MAP4K3: variants seen among roughly 807,000 people sequenced by gnomAD.
The protein encoded by MAP4K3 is mitogen-activated protein kinase kinase kinase kinase 3.
A neutral mutation model predicts 143.5 loss-of-function variants in MAP4K3; 94 were observed. The observed-to-expected ratio is 0.65, with a 90% CI of 0.55 to 0.78. The LOEUF is 0.78. Ranked by LOEUF, MAP4K3 falls within the 30% of genes least tolerant of loss-of-function variation. The pLI is 0.00. For synonymous variants in MAP4K3, 416 were observed against 347.2 expected (o/e 1.20, Z -2.20); for missense variants, 1,077 against 1,068.1 (o/e 1.01, Z -0.12).
At chr2:39,356,704 G>T (rs1443278784) in intron 2 of MAP4K3, among the ~76,000 whole-genome samples, 1 of 152,158 alleles carries the variant, frequency 6.6e-6, no homozygotes, top group East Asian at 1.9e-4. Flanking sequence ...AGGGTTAAAT[G>T]AACCAATACA....
At chr2:39,327,005 A>G (rs1036576179) in intron 8 of MAP4K3, among the ~76,000 whole-genome samples, 6 of 152,200 alleles carry the variant, frequency 3.9e-5, no homozygotes, top group Non-Finnish European at 5.9e-5. Flanking sequence ...CCTATTGCTG[A>G]TTCCATTGTT....
intron 1 of MAP4K3, among the ~76,000 whole-genome samples, chr2:39,403,389 G>A (rs746589706): frequency 2.0e-5 from 3 of 152,186 alleles, no homozygotes; most frequent in South Asian, 2.1e-4. Context: ...AGGCACTGAA[G>A]GAAAGGCAAT....
intron 1 of MAP4K3, among the ~76,000 whole-genome samples, chr2:39,431,865 G>C (rs191632922): frequency 1.8e-3 from 270 of 152,254 alleles, no homozygotes; most frequent in African/African-American, 6.2e-3. Context: ...TAAGTAATTG[G>C]CCTAAGGACA....
chr2:39,385,551 CATATATATATATAT>C (rs140387430), intron 1 of MAP4K3, among the ~76,000 whole-genome samples: 39,517 of 111,066 alleles, frequency 0.36, 8,065 homozygotes, highest in Non-Finnish European at 0.43. Flanking sequence ...GAGCGTTCTT[CATATATATATATAT>C]ATATATATAT....
intron 12 of MAP4K3, among the ~76,000 whole-genome samples, chr2:39,318,424 T>G (rs558715861): frequency 1.4e-4 from 21 of 152,224 alleles, no homozygotes; most frequent in Middle Eastern, 6.8e-3. Flanking sequence ...AATGAATTAT[T>G]TTTTCAAGAT....
intron 16 of MAP4K3, among the ~76,000 whole-genome samples, chr2:39,297,855 G>A (rs1321647703): frequency 6.6e-6 from 1 of 152,092 alleles, no homozygotes; most frequent in Non-Finnish European, 1.5e-5. Flanking sequence ...TCCTTAAGCA[G>A]GGATCCAATT....
At position 39,367,490 on chromosome 2, in the gene MAP4K3, T is replaced by C. The variant is rs946854635; in HGVS notation, c.154+10576A>G. Among the ~76,000 whole-genome samples, 5 of 151,906 alleles carry C rather than the reference T, an allele frequency of 3.3e-5. No homozygotes were observed. The East Asian group carries it at 7.7e-4, about 23-fold the overall frequency. On this transcript the variant is annotated intron_variant, in intron 2 of 33. Coordinates refer to ENST00000263881, the MANE Select transcript of MAP4K3 (RefSeq NM_003618.4). The stretch of plus-strand genomic sequence containing the variant: ...GGGTGGTTGAGGCTGCAGTGAGCTG[T>C]CACTGTGCCACTGCACTCCAGCCTG...
At chr2:39,352,572 G>A (rs1376508115) in intron 3 of MAP4K3, among the ~76,000 whole-genome samples, 2 of 151,738 alleles carry the variant, frequency 1.3e-5, no homozygotes, top group Non-Finnish European at 2.9e-5. Flanking sequence ...TACCAAACCG[G>A]GACTATTTAA....
chr2:39,437,049 C>G lies in MAP4K3; in HGVS notation c.-62G>C. ...AGGGGAGGGGGGCCGCTCAGGGGGC[C>G]ACACGGAGAGAGGGCGCCGCGGCCG... On this transcript the variant is annotated 5_prime_UTR_variant, in exon 1 of 34. Transcript: ENST00000263881. The G allele has an allele frequency of 7.5e-7, 1 of 1,330,792 alleles. No homozygotes were observed. Among genetic ancestry groups the G allele is most frequent in the Non-Finnish European group, 1.0e-6 (1 of 964,578 alleles). 82.4% of individuals were successfully genotyped at this position (1,330,792 alleles called of 1,614,324 possible). A position where few individuals can be genotyped will look rare whatever the true frequency, so the allele number is the denominator to read the frequency against.
intron 1 of MAP4K3, among the ~76,000 whole-genome samples, chr2:39,413,335 G>A (rs1667281021): frequency 6.6e-6 from 1 of 152,128 alleles, no homozygotes; most frequent in Non-Finnish European, 1.5e-5. Flanking sequence ...ATTAACGAGG[G>A]AGCTAGGAAC....
intron 1 of MAP4K3, among the ~76,000 whole-genome samples, chr2:39,414,163 A>G (rs1667305729): frequency 6.6e-6 from 1 of 152,194 alleles, no homozygotes; most frequent in African/African-American, 2.4e-5. Context: ...CAAATCTAGA[A>G]AACAGAAACA....
chr2:39,307,851 CAA>C (rs1418336738), intron 15 of MAP4K3, 90 bp downstream of exon 15: 1 of 971,142 alleles, frequency 1.0e-6, no homozygotes, highest in Non-Finnish European at 1.5e-6. Context: ...ACTTATAAAA[CAA>C]TGCTTTAATT....
intron 3 of MAP4K3, among the ~76,000 whole-genome samples, chr2:39,349,691 A>C (rs1665395717): frequency 6.6e-6 from 1 of 151,672 alleles, no homozygotes; most frequent in Non-Finnish European, 1.5e-5. Flanking sequence ...ACCAGAAAGA[A>C]GATAAAGTGG....
intron 16 of MAP4K3, chr2:39,294,013 T>C (rs962471321): frequency 6.6e-5 from 10 of 152,234 alleles, no homozygotes; most frequent in Admixed American, 4.6e-4. Context: ...TTACTTCTTT[T>C]TACCGCAAGT....
Position 39,402,764 on chromosome 2 carries a change from C to T in MAP4K3, c.97-24641G>A, listed in dbSNP as rs528579183. ...GCTCTGTTACCTCTAAGAAGATAAA[C>T]TTCTAGCCAAACCAATCAGAAAAAA... is the stretch of plus-strand genomic sequence containing the variant. On this transcript the variant is annotated intron_variant, in intron 1 of 33. Coordinates refer to ENST00000263881, the MANE Select transcript of MAP4K3 (RefSeq NM_003618.4). Among the ~76,000 whole-genome samples the T allele has an allele frequency of 9.7e-4, 145 of 150,060 alleles. 1 individual carries two copies. The highest frequency in any genetic ancestry group is 3.3e-3 in the African/African-American group (134 of 40,834).
intron 1 of MAP4K3, among the ~76,000 whole-genome samples, chr2:39,385,195 T>C (rs1429078298): frequency 2.6e-5 from 4 of 152,146 alleles, no homozygotes; most frequent in Non-Finnish European, 4.4e-5. Flanking sequence ...GGTAGATAAA[T>C]ACCCAGGAGT....
At chr2:39,340,969 A>T (rs1298309684) in intron 4 of MAP4K3, among the ~76,000 whole-genome samples, 1 of 152,170 alleles carries the variant, frequency 6.6e-6, no homozygotes, top group East Asian at 1.9e-4. Context: ...TCTAACTAAG[A>T]TTCTAAAGGA....
chr2:39,310,959 G>A (rs1362481380), intron 13 of MAP4K3, among the ~76,000 whole-genome samples: 2 of 152,144 alleles, frequency 1.3e-5, no homozygotes, highest in Non-Finnish European at 2.9e-5. Flanking sequence ...AGCTTAATTT[G>A]TTAATTCTAG....
intron 1 of MAP4K3, among the ~76,000 whole-genome samples, chr2:39,427,389 G>C (rs905610900): frequency 1.4e-4 from 21 of 151,868 alleles, no homozygotes; most frequent in African/African-American, 5.1e-4. Context: ...CCAGAATGAA[G>C]GAATATAAGG....
Sources: allele counts gnomAD v4.1 joint callset (sites outside exome capture counted in the v4.1 genomes callset), GRCh38; gene constraint gnomAD v4.1.1; transcripts MANE v1.5; gene names NCBI Gene and HGNC (gene_info 2026-07-23, HGNC 2026-07-21).